RPRM: variants seen among roughly 807,000 people sequenced by gnomAD.
RPRM encodes the protein reprimo, TP53 dependent G2 arrest mediator homolog, also known as protein reprimo.
RPRM carries 3 observed loss-of-function variants against 5.2 expected under a neutral mutation model. That is an observed-to-expected ratio of 0.58 (90% CI 0.26 to 1.50). The LOEUF is 1.50. RPRM is among the 40% of genes most tolerant of loss of function. The pLI, the probability that RPRM is intolerant of heterozygous loss-of-function variation, is 0.13. For missense variants in RPRM, 135 were observed against 154.5 expected, an observed-to-expected ratio of 0.87 and a Z score of 0.67; for synonymous variants, 70 against 69.9, an observed-to-expected ratio of 1.00 and a Z score of -0.01.
chr2:153,478,702 T>G lies in RPRM; in HGVS notation c.-137A>C. 1 of 725,300 alleles carries G rather than the reference T, an allele frequency of 1.4e-6. No homozygotes were observed. Among genetic ancestry groups the G allele is most frequent in the South Asian group, 2.0e-5 (1 of 51,034 alleles). The allele number at this position is 725,300 out of a possible 1,614,324, so 44.9% of individuals were successfully genotyped here. On this transcript the variant is annotated 5_prime_UTR_variant, in exon 1 of 1. Transcript: ENST00000325926. ...GGGCTCCTCGCTCTGCTTTCGAAAG[T>G]CCCTGGGCCGTGGGAGTTTCCCAGG...
Position 153,478,133 on chromosome 2 carries a change from A to T in RPRM, c.*103T>A. The T allele has an allele frequency of 1.2e-6, 1 of 855,168 alleles. No individual in the cohort carries two copies. Among genetic ancestry groups the T allele is most frequent in the Non-Finnish European group, 1.8e-6 (1 of 560,986 alleles). The allele number at this position is 855,168 out of a possible 1,614,324, so 53.0% of individuals were successfully genotyped here. On this transcript the variant is annotated 3_prime_UTR_variant, in exon 1 of 1. Coordinates refer to ENST00000325926, the MANE Select transcript of RPRM (RefSeq NM_019845.3). ...AGGCCGAAGTCGAGAGAAATAATTG[A>T]CTCCGACAGGTTTGCTTCGCCCAGT...
Position 153,477,982 on chromosome 2 carries a change from G to A in RPRM, c.*254C>T. The A allele has an allele frequency of 1.9e-6, 1 of 526,024 alleles. No homozygotes were observed. 32.6% of individuals were successfully genotyped at this position (526,024 alleles called of 1,614,324 possible). On this transcript the variant is annotated 3_prime_UTR_variant, in exon 1 of 1. Transcript: ENST00000325926. ...TTCCAAGTAAGTAGCAGCTTCCAAAGTTCTGCGCCCTAATCGCCCTCTTCT... is the reference window on the plus strand; with the variant it reads ...TTCCAAGTAAGTAGCAGCTTCCAAAATTCTGCGCCCTAATCGCCCTCTTCT...
chr2:153,478,180 C>T lies in RPRM; in HGVS notation c.*56G>A. 1 of 1,430,354 alleles carries T rather than the reference C, an allele frequency of 7.0e-7. No individual in the cohort carries two copies. Among genetic ancestry groups the T allele is most frequent in the Non-Finnish European group, 9.6e-7 (1 of 1,041,266 alleles). The allele number at this position is 1,430,354 out of a possible 1,614,324, so 88.6% of individuals were successfully genotyped here. A position where few individuals can be genotyped will look rare whatever the true frequency, so the allele number is the denominator to read the frequency against. Reference sequence around the variant, plus strand: ...CAGTCTCTGATAGTGAGGGGCACAGCCGGGCTAGCAAAGTGGGCAGGCGTG... The same window carrying T: ...CAGTCTCTGATAGTGAGGGGCACAGTCGGGCTAGCAAAGTGGGCAGGCGTG... On this transcript the variant is annotated 3_prime_UTR_variant, in exon 1 of 1. Transcript: ENST00000325926.
rs1684177793 is a variant in RPRM, at chr2:153,477,754, G to C, written c.*482C>G. 6.3e-6 allele frequency: 1 copy of C among 158,082 alleles called. No individual in the cohort carries two copies. The highest frequency in any genetic ancestry group is 1.4e-5 in the Non-Finnish European group (1 of 72,382). 9.8% of individuals were successfully genotyped at this position (158,082 alleles called of 1,614,324 possible). A position where few individuals can be genotyped will look rare whatever the true frequency, so the allele number is the denominator to read the frequency against. On this transcript the variant is annotated 3_prime_UTR_variant, in exon 1 of 1. Transcript: ENST00000325926. ...GCCCCTCCCCTCCAGGGCAGGGGGG[G>C]AGCAGGAGAAGAGTGGGAGCGCACC...
chr2:153,478,061 T>G lies in RPRM; in HGVS notation c.*175A>C, dbSNP rs76598083. On this transcript the variant is annotated 3_prime_UTR_variant, in exon 1 of 1. Transcript: ENST00000325926. ...GGCGCTCTCCTCCGACTGCCAGGCA[T>G]GAGGACTTTCAGAGGGCGAGGGAGA... 3.3e-6 allele frequency: 2 copies of G among 610,826 alleles called. No homozygotes were observed. Among genetic ancestry groups the G allele is most frequent in the Non-Finnish European group, 5.7e-6 (2 of 349,134 alleles). The allele number at this position is 610,826 out of a possible 1,614,324, so 37.8% of individuals were successfully genotyped here.
chr2:153,478,464 G>T lies in RPRM; in HGVS notation c.102C>A (p.Ser34=), dbSNP rs759582526. The T allele has an allele frequency of 6.8e-6, 11 of 1,613,462 alleles. No individual in the cohort carries two copies. The highest frequency in any genetic ancestry group is 9.3e-6 in the Non-Finnish European group (11 of 1,179,966). The change falls in exon 1 of 1, where the codon TCC becomes TCA. Residue 34 remains serine (S), a synonymous_variant. Coordinates refer to ENST00000325926, the MANE Select transcript of RPRM (RefSeq NM_019845.3). ...CCGCGAAGCCGTCGTCGGTCACCAC[G>T]GACGCCTGGGTGCAGCAGCGCACGG... The part of the protein sequence containing the change: ...ERAVRCCTQA[S]VVTDDGFAEG...
Position 153,478,578 on chromosome 2 carries a change from C to T in RPRM, c.-13G>A. The stretch of plus-strand genomic sequence containing the variant: ...GGGCCGGATTCATCGCAGGAACGGG[C>T]GGGCGCCGCGAGCGGCGCGGGTCCG... On this transcript the variant is annotated 5_prime_UTR_variant, in exon 1 of 1. Coordinates refer to ENST00000325926, the MANE Select transcript of RPRM (RefSeq NM_019845.3). 1 of 1,523,248 alleles carries T rather than the reference C, an allele frequency of 6.6e-7. No individual in the cohort carries two copies. Among genetic ancestry groups the T allele is most frequent in the Non-Finnish European group, 8.8e-7 (1 of 1,135,258 alleles). 94.4% of individuals were successfully genotyped at this position (1,523,248 alleles called of 1,614,324 possible). A position where few individuals can be genotyped will look rare whatever the true frequency, so the allele number is the denominator to read the frequency against.
chr2:153,478,588 G>T lies in RPRM; in HGVS notation c.-23C>A, dbSNP rs1019276780. On this transcript the variant is annotated 5_prime_UTR_variant, in exon 1 of 1. Coordinates refer to ENST00000325926, the MANE Select transcript of RPRM (RefSeq NM_019845.3). ...CATCGCAGGAACGGGCGGGCGCCGC[G>T]AGCGGCGCGGGTCCGAGGGGTGGGA... The T allele has an allele frequency of 5.3e-6, 8 of 1,523,640 alleles. No individual in the cohort carries two copies. The African/African-American group carries it at 8.3e-5, about 16-fold the overall frequency. 94.4% of individuals were successfully genotyped at this position (1,523,640 alleles called of 1,614,324 possible). A position where few individuals can be genotyped will look rare whatever the true frequency, so the allele number is the denominator to read the frequency against.
rs1294123584 is a variant in RPRM, at chr2:153,478,225, C to T, written c.*11G>A. On this transcript the variant is annotated 3_prime_UTR_variant, in exon 1 of 1. Transcript: ENST00000325926. ...GGCGTGGGAGCGGTTGCCGCGGGGGCAGAGGGCGGGTCAGTAGGGCCCCAC... is the reference window on the plus strand; with the variant it reads ...GGCGTGGGAGCGGTTGCCGCGGGGGTAGAGGGCGGGTCAGTAGGGCCCCAC... 6 of 1,599,548 alleles carry T rather than the reference C, an allele frequency of 3.8e-6. No homozygotes were observed. The African/African-American group carries it at 4.0e-5, about 11-fold the overall frequency.
Position 153,478,402 on chromosome 2 carries a change from C to T in RPRM, c.164G>A (p.Arg55His), listed in dbSNP as rs753673954. 1.4e-5 allele frequency: 23 copies of T among 1,614,050 alleles called. No homozygotes were observed. Among genetic ancestry groups the T allele is most frequent in the Admixed American group, 6.7e-5 (4 of 60,010 alleles). Reference protein sequence around the residue: ...GPDERSLYIMRVVQIAVMCVL... With the variant: ...GPDERSLYIMHVVQIAVMCVL... The stretch of plus-strand genomic sequence containing the variant: ...GCACATGACCGCGATCTGCACCACG[C>T]GCATTATGTACAGGCTACGCTCGTC... The change falls in exon 1 of 1, where the codon CGC becomes CAC. Residue 55 changes from arginine to histidine, a missense_variant. Coordinates refer to ENST00000325926, the MANE Select transcript of RPRM (RefSeq NM_019845.3).
Position 153,478,428 on chromosome 2 carries a change from C to T in RPRM, c.138G>A (p.Pro46=). 1 of 1,614,044 alleles carries T rather than the reference C, an allele frequency of 6.2e-7. No individual in the cohort carries two copies. The highest frequency in any genetic ancestry group is 8.5e-7 in the Non-Finnish European group (1 of 1,180,002). Residue 46 remains proline (P), a synonymous_variant, in exon 1 of 1, where the codon CCG becomes CCA. Transcript: ENST00000325926. The part of the protein sequence containing the change: ...VTDDGFAEGG[P]DERSLYIMRV... ...GCATTATGTACAGGCTACGCTCGTC[C>T]GGGCCTCCCTCCGCGAAGCCGTCGT...
rs1684181378 is a variant in RPRM at position 153,477,941 on chromosome 2, C to T, written c.*295G>A. 6 of 430,700 alleles carry T rather than the reference C, an allele frequency of 1.4e-5. No individual in the cohort carries two copies. The highest frequency in any genetic ancestry group is 2.5e-5 in the Non-Finnish European group (6 of 238,738). The allele number at this position is 430,700 out of a possible 1,614,324, so 26.7% of individuals were successfully genotyped here. On this transcript the variant is annotated 3_prime_UTR_variant, in exon 1 of 1. Transcript: ENST00000325926. Reference sequence around the variant, plus strand: ...TGCGGGTGGAGAAGGGCCTTCGCACCGTCGGTCTCCCCGCATTCCAAGTAA... The same window carrying T: ...TGCGGGTGGAGAAGGGCCTTCGCACTGTCGGTCTCCCCGCATTCCAAGTAA...
In RPRM at chr2:153,478,058, GCATGAGGA is replaced by G; in HGVS notation, c.*170_*177del. On this transcript the variant is annotated 3_prime_UTR_variant, in exon 1 of 1. Coordinates refer to ENST00000325926, the MANE Select transcript of RPRM (RefSeq NM_019845.3). ...CTGGGCGCTCTCCTCCGACTGCCAG[GCATGAGGA>G]CTTTCAGAGGGCGAGGGAGAAACCG... 1 of 606,628 alleles carries G rather than the reference GCATGAGGA, an allele frequency of 1.6e-6. No individual in the cohort carries two copies. The highest frequency in any genetic ancestry group is 2.0e-5 in the South Asian group (1 of 48,796). The allele number at this position is 606,628 out of a possible 1,614,324, so 37.6% of individuals were successfully genotyped here. A position where few individuals can be genotyped will look rare whatever the true frequency, so the allele number is the denominator to read the frequency against.
chr2:153,478,021 T>C lies in RPRM; in HGVS notation c.*215A>G, dbSNP rs902733953. 8 of 565,840 alleles carry C rather than the reference T, an allele frequency of 1.4e-5. No homozygotes were observed. The highest frequency in any genetic ancestry group is 3.8e-5 in the African/African-American group (2 of 52,934). 35.1% of individuals were successfully genotyped at this position (565,840 alleles called of 1,614,324 possible). A position where few individuals can be genotyped will look rare whatever the true frequency, so the allele number is the denominator to read the frequency against. ...TCGCCCTCTTCTTGCCACTTTCTGC[T>C]GAGTTCAGAGTCTGGGCGCTCTCCT... On this transcript the variant is annotated 3_prime_UTR_variant, in exon 1 of 1. Transcript: ENST00000325926.
chr2:153,478,395 C>T lies in RPRM; in HGVS notation c.171G>A (p.Val57=), dbSNP rs1177763547. Residue 57 remains valine, a synonymous_variant, in exon 1 of 1, where the codon GTG becomes GTA. Transcript: ENST00000325926. ...DERSLYIMRV[V]QIAVMCVLSL... is the part of the protein sequence containing the mutation. ...AGAGCACGCACATGACCGCGATCTG[C>T]ACCACGCGCATTATGTACAGGCTAC... The T allele has an allele frequency of 1.9e-6, 3 of 1,614,094 alleles. No individual in the cohort carries two copies. Among genetic ancestry groups the T allele is most frequent in the Admixed American group, 1.7e-5 (1 of 60,012 alleles).
Position 153,478,631 on chromosome 2 carries a change from G to T in RPRM, c.-66C>A. 7.6e-7 allele frequency: 1 copy of T among 1,309,644 alleles called. No homozygotes were observed. The highest frequency in any genetic ancestry group is 1.0e-6 in the Non-Finnish European group (1 of 966,380). 81.1% of individuals were successfully genotyped at this position (1,309,644 alleles called of 1,614,324 possible). A position where few individuals can be genotyped will look rare whatever the true frequency, so the allele number is the denominator to read the frequency against. On this transcript the variant is annotated 5_prime_UTR_variant, in exon 1 of 1. Coordinates refer to ENST00000325926, the MANE Select transcript of RPRM (RefSeq NM_019845.3). ...GGGTGGGAAGGCGGCGGCGCTGGAG[G>T]AACAGGTGCCGGGCTGAGCGCTCAC...
At position 153,478,239 on chromosome 2, in the gene RPRM, G is replaced by A; in HGVS notation, c.327C>T (p.Tyr109=). ...TGCCGCGGGGGCAGAGGGCGGGTCA[G>A]TAGGGCCCCACGACCACCGCCTCCA... ...KEVEAVVVGP[Y] The change falls in exon 1 of 1, where the codon TAC becomes TAT. Residue 109 remains tyrosine (Y), a synonymous_variant. Transcript: ENST00000325926. The A allele has an allele frequency of 6.2e-7, 1 of 1,610,444 alleles. No homozygotes were observed. The highest frequency in any genetic ancestry group is 8.5e-7 in the Non-Finnish European group (1 of 1,178,410).
chr2:153,478,081 G>A lies in RPRM; in HGVS notation c.*155C>T. 3.1e-6 allele frequency: 2 copies of A among 644,482 alleles called. No individual in the cohort carries two copies. The highest frequency in any genetic ancestry group is 2.7e-5 in the East Asian group (1 of 36,364). The allele number at this position is 644,482 out of a possible 1,614,324, so 39.9% of individuals were successfully genotyped here. ...AGGCATGAGGACTTTCAGAGGGCGA[G>A]GGAGAAACCGGTCGCTTCTTTCCGA... On this transcript the variant is annotated 3_prime_UTR_variant, in exon 1 of 1. Coordinates refer to ENST00000325926, the MANE Select transcript of RPRM (RefSeq NM_019845.3).
rs1450634285 is a variant in RPRM at position 153,478,293 on chromosome 2, G to A, written c.273C>T (p.Leu91=). ...LIKSEGMINF[L]VKDRRPSKEV... ...CCTTAGACGGCCTCCGGTCCTTCAC[G>A]AGGAAGTTGATCATGCCCTCGGACT... is the stretch of plus-strand genomic sequence containing the variant. The change falls in exon 1 of 1, where the codon CTC becomes CTT. Residue 91 remains leucine (L), a synonymous_variant. Coordinates refer to ENST00000325926, the MANE Select transcript of RPRM (RefSeq NM_019845.3). 1 of 1,613,954 alleles carries A rather than the reference G, an allele frequency of 6.2e-7. No individual in the cohort carries two copies. Among genetic ancestry groups the A allele is most frequent in the East Asian group, 2.2e-5 (1 of 44,858 alleles).
Sources: gnomAD v4.1 joint callset for allele counts on GRCh38, gnomAD v4.1.1 for gene constraint, MANE v1.5 for transcripts, NCBI Gene and HGNC (gene_info 2026-07-23, HGNC 2026-07-21) for gene names.